The following TENT5D variants were observed in gnomAD, a reference collection of about 807,000 sequenced individuals.
The protein encoded by TENT5D is terminal nucleotidyltransferase 5D.
For missense variants in TENT5D, 191 were observed against 287.0 expected (o/e 0.67, Z 2.42); for synonymous variants, 103 against 100.6 (o/e 1.02, Z -0.15).
intron 1 of TENT5D, among the ~76,000 whole-genome samples, chrX:80,436,554 C>T (rs1225453315): frequency 2.7e-5 from 3 of 110,113 alleles, no homozygotes; most frequent in Non-Finnish European, 3.8e-5. Flanking sequence ...CCCCCAACCC[C>T]GATAGGTCCC....
intron 3 of TENT5D, among the ~76,000 whole-genome samples, chrX:80,407,377 A>G (rs1270392470): frequency 9.0e-6 from 1 of 110,729 alleles, no homozygotes; most frequent in African/African-American, 3.3e-5. Flanking sequence ...AGAGACACAC[A>G]TAGGCTCAAA....
intron 3 of TENT5D, among the ~76,000 whole-genome samples, chrX:80,402,405 T>C (rs1384597282): frequency 8.9e-6 from 1 of 112,077 alleles, no homozygotes; most frequent in Non-Finnish European, 1.9e-5. Flanking sequence ...CATTTATTTC[T>C]TCTCTGATAT....
intron 3 of TENT5D, among the ~76,000 whole-genome samples, chrX:80,408,463 C>T (rs1429135959): frequency 1.8e-5 from 2 of 109,705 alleles, no homozygotes; most frequent in Non-Finnish European, 3.8e-5. Flanking sequence ...GAGAATACTA[C>T]AAACACCTCT....
upstream of TENT5D, among the ~76,000 whole-genome samples, chrX:80,416,847 A>C (rs968081869): frequency 2.4e-4 from 27 of 111,159 alleles, no homozygotes; most frequent in African/African-American, 8.2e-4. Flanking sequence ...CAGGTCCTGA[A>C]TAACTTTGTT....
At chrX:80,411,996 AG>A (rs1406422362) in intron 3 of TENT5D, among the ~76,000 whole-genome samples, 2 of 112,239 alleles carry the variant, frequency 1.8e-5, no homozygotes, top group African/African-American at 6.5e-5. Flanking sequence ...GCCCTAACAG[AG>A]GGGCCCCACC....
chrX:80,376,671 C>A (rs759858890), intron 3 of TENT5D, among the ~76,000 whole-genome samples: 1 of 111,196 alleles, frequency 9.0e-6, no homozygotes. Context: ...TGCTGAGTAG[C>A]CGATGTATGT....
At position 80,443,719 on chromosome X, in the gene TENT5D, A is replaced by G. The variant is rs751834832; in HGVS notation, c.*10A>G. Reference sequence around the variant, plus strand: ...AAATGGTATGAGTTAAAAAATACACATGCAACCATAGAAACTTTGATTTAA... The same window carrying G: ...AAATGGTATGAGTTAAAAAATACACGTGCAACCATAGAAACTTTGATTTAA... On this transcript the variant is annotated 3_prime_UTR_variant, in exon 3 of 3. Transcript: ENST00000308293. 8.0e-6 allele frequency: 9 copies of G among 1,130,931 alleles called. No individual in the cohort carries two copies. The South Asian group carries it at 1.8e-4, about 22-fold the overall frequency. The allele number at this position is 1,130,931 out of a possible 1,213,427, so 93.2% of individuals were successfully genotyped here. A position where few individuals can be genotyped will look rare whatever the true frequency, so the allele number is the denominator to read the frequency against.
chrX:80,353,139 CTT>C (rs900359126), intron 3 of TENT5D, among the ~76,000 whole-genome samples: 1 of 112,226 alleles, frequency 8.9e-6, no homozygotes, highest in Non-Finnish European at 1.9e-5. Flanking sequence ...GCCAGCAGCC[CTT>C]GTTTACTTTT....
intron 3 of TENT5D, among the ~76,000 whole-genome samples, chrX:80,387,226 G>T (rs932719088): frequency 2.7e-5 from 3 of 112,136 alleles, no homozygotes; most frequent in African/African-American, 9.7e-5. Context: ...CCATGGGATT[G>T]GTTCCTGATG....
At chrX:80,437,068 T>C (rs1219812980) in intron 1 of TENT5D, among the ~76,000 whole-genome samples, 1 of 112,536 alleles carries the variant, frequency 8.9e-6, no homozygotes. Context: ...AAAGGATTTC[T>C]CTTATTGCTA....
intron 1 of TENT5D, among the ~76,000 whole-genome samples, chrX:80,421,869 G>A (rs772128041): frequency 3.7e-4 from 41 of 111,073 alleles, no homozygotes; most frequent in Non-Finnish European, 6.4e-4. Context: ...CCTTCTGAGC[G>A]TGAACTTAAA....
chrX:80,352,536 A>G (rs1330662093), intron 3 of TENT5D, among the ~76,000 whole-genome samples: 1 of 109,411 alleles, frequency 9.1e-6, no homozygotes, highest in Non-Finnish European at 1.9e-5. Context: ...TTCCAGGTGG[A>G]CTTCAGACTG....
At chrX:80,384,226 A>T (rs1276843537) in intron 3 of TENT5D, among the ~76,000 whole-genome samples, 10 of 99,318 alleles carry the variant, frequency 1.0e-4, no homozygotes, top group Non-Finnish European at 1.6e-4. Context: ...CTTATCCACC[A>T]TGATCAAGTG....
In TENT5D at chrX:80,442,645, A is replaced by G. The variant is rs766993924; in HGVS notation, c.106A>G (p.Met36Val). The G allele has an allele frequency of 2.5e-6, 3 of 1,210,466 alleles. No homozygotes were observed. In the South Asian group the frequency reaches 5.3e-5, roughly 21 times the overall value. Residue 36 changes from methionine to valine, a missense_variant, in exon 3 of 3, where the codon ATG (methionine) becomes GTG (valine). Met to Val is a conservative substitution (Grantham distance 21). Coordinates refer to ENST00000308293, the Ensembl canonical transcript of TENT5D. Reference sequence around the variant, plus strand: ...TCATGGAAAGGGGAATTTCCCCACAATGGAGGTAAAACCAAAAGACATCAT... The same window carrying G: ...TCATGGAAAGGGGAATTTCCCCACAGTGGAGGTAAAACCAAAAGACATCAT...
intron 2 of TENT5D, among the ~76,000 whole-genome samples, chrX:80,442,250 A>C (rs936460164): frequency 9.0e-6 from 1 of 111,652 alleles, no homozygotes; most frequent in African/African-American, 3.2e-5. Context: ...AGATTAAAAA[A>C]GGCTACCATT....
At chrX:80,346,599 G>A (rs186189938) in intron 3 of TENT5D, among the ~76,000 whole-genome samples, 137 of 111,689 alleles carry the variant, frequency 1.2e-3, no homozygotes, top group Non-Finnish European at 1.5e-3. Context: ...ATGATAGTGC[G>A]CAGCTTTAAT....
chrX:80,440,637 T>C (rs1180013676), intron 2 of TENT5D, among the ~76,000 whole-genome samples: 2 of 110,919 alleles, frequency 1.8e-5, no homozygotes, highest in East Asian at 2.8e-4. Context: ...GATTAGACCA[T>C]TGAATTTTTT....
At chrX:80,442,316 A>T (rs1202814275) in intron 2 of TENT5D, among the ~76,000 whole-genome samples, 1 of 112,172 alleles carries the variant, frequency 8.9e-6, no homozygotes, top group Non-Finnish European at 1.9e-5. Context: ...GTTTGCATTC[A>T]TCAATGTATC....
intron 3 of TENT5D, among the ~76,000 whole-genome samples, chrX:80,381,284 G>T (rs1930861472): frequency 8.9e-6 from 1 of 111,782 alleles, no homozygotes; most frequent in Non-Finnish European, 1.9e-5. Flanking sequence ...TTGAATATTG[G>T]CCCCCACTCT....
Sources: allele counts gnomAD v4.1 joint callset (sites outside exome capture counted in the v4.1 genomes callset), GRCh38; gene constraint gnomAD v4.1.1; transcripts MANE v1.5; gene names NCBI Gene and HGNC (gene_info 2026-07-23, HGNC 2026-07-21).